Variants in CDK12 observed in about 807,000 individuals in gnomAD.
CDK12 encodes cyclin-dependent kinase 12.
Under a neutral mutation model 133.8 loss-of-function variants are expected in CDK12, and 17 were observed. That is an observed-to-expected ratio of 0.13 (90% CI 0.09 to 0.19). The LOEUF (loss-of-function observed/expected upper bound fraction) is 0.19, where lower values mean the gene tolerates loss of function less well. Ranked by LOEUF, CDK12 falls within the 10% of genes least tolerant of loss-of-function variation. The pLI is 1.00. For synonymous variants in CDK12, 694 were observed against 683.6 expected, an observed-to-expected ratio of 1.02 and a Z score of -0.24; for missense variants, 1,508 against 1,818.7, an observed-to-expected ratio of 0.83 and a Z score of 3.11.
At chr17:39,536,252 G>A (rs1453436041), downstream of CDK12, among the ~76,000 whole-genome samples, 6 of 151,984 alleles carry the variant, frequency 3.9e-5, no homozygotes, top group Admixed American at 1.3e-4. Context: ...GCCTACCATC[G>A]GTATTGATTG....
intron 1 of CDK12, among the ~76,000 whole-genome samples, chr17:39,541,646 C>T (rs1242571667): frequency 6.6e-6 from 1 of 152,156 alleles, no homozygotes; most frequent in African/African-American, 2.4e-5. Context: ...TGAGCCACCG[C>T]ATCCGGCCCC....
intron 3 of CDK12, among the ~76,000 whole-genome samples, chr17:39,562,098 C>T (rs1326038716): frequency 1.3e-5 from 2 of 152,132 alleles, no homozygotes; most frequent in Non-Finnish European, 1.5e-5. Context: ...CACCTCCATG[C>T]CCAGCTAATT....
intron 13 of CDK12, among the ~76,000 whole-genome samples, chr17:39,529,414 ACAT>A (rs2054690934): frequency 5.9e-5 from 9 of 152,380 alleles, no homozygotes; most frequent in Admixed American, 5.9e-4. Context: ...TAATGACTTT[ACAT>A]CACAGCTTAG....
intron 3 of CDK12, among the ~76,000 whole-genome samples, chr17:39,491,320 C>T (rs1434556573): frequency 6.6e-6 from 1 of 152,080 alleles, no homozygotes; most frequent in Non-Finnish European, 1.5e-5. Flanking sequence ...TTACCGCAAC[C>T]TCGGCTTCCT....
At position 39,461,915 on chromosome 17, in the gene CDK12, CG is replaced by C; in HGVS notation, c.-154del. On this transcript the variant is annotated 5_prime_UTR_variant, in exon 1 of 14. Coordinates refer to ENST00000447079, the MANE Select transcript of CDK12 (RefSeq NM_016507.4). Reference sequence around the variant, plus strand: ...CTCATGTAGAAGGGTGCTGAGGCGTCGGGAGGGAGGAGGAGCCTGGGCTACC... The same window carrying C: ...CTCATGTAGAAGGGTGCTGAGGCGTCGGAGGGAGGAGGAGCCTGGGCTACC... The C allele has an allele frequency of 1.8e-6, 1 of 546,070 alleles. No individual in the cohort carries two copies. Among genetic ancestry groups the C allele is most frequent in the South Asian group, 2.0e-5 (1 of 48,844 alleles). The allele number at this position is 546,070 out of a possible 1,614,324, so 33.8% of individuals were successfully genotyped here.
chr17:39,515,297 A>G (rs2053731955), intron 8 of CDK12, among the ~76,000 whole-genome samples: 1 of 152,248 alleles, frequency 6.6e-6, no homozygotes, highest in African/African-American at 2.4e-5. Flanking sequence ...AGAAGGCTAT[A>G]GTATAGTGCA....
intron 2 of CDK12, among the ~76,000 whole-genome samples, chr17:39,555,138 A>G (rs889983139): frequency 7.9e-5 from 12 of 151,774 alleles, no homozygotes; most frequent in African/African-American, 2.7e-4. Flanking sequence ...CCAGCTACTC[A>G]GGAGGCTGAG....
At chr17:39,505,523 CAAAAAAAA>C (rs369918356) in intron 6 of CDK12, among the ~76,000 whole-genome samples, 2 of 97,744 alleles carry the variant, frequency 2.0e-5, no homozygotes, top group African/African-American at 8.8e-5. Flanking sequence ...GACTCCGTCT[CAAAAAAAA>C]AAAAAAAAAA....
intron 9 of CDK12, among the ~76,000 whole-genome samples, chr17:39,517,033 C>G (rs1021410640): frequency 3.9e-5 from 6 of 152,068 alleles, no homozygotes; most frequent in African/African-American, 1.4e-4. Context: ...TGTTGATTAT[C>G]TCTCAAAATT....
At chr17:39,521,520 C>G (rs942217563) in intron 11 of CDK12, among the ~76,000 whole-genome samples, 1 of 152,068 alleles carries the variant, frequency 6.6e-6, no homozygotes. Context: ...GCCTTGGCCT[C>G]CCAAGGTGCC....
At position 39,532,461 on chromosome 17, in the gene CDK12, C is replaced by CAA. The variant is rs147657554; in HGVS notation, c.*1154_*1155dup. 12 of 208,382 alleles carry CAA rather than the reference C, an allele frequency of 5.8e-5. No homozygotes were observed. The highest frequency in any genetic ancestry group is 2.0e-4 in the South Asian group (1 of 5,046). 12.9% of individuals were successfully genotyped at this position (208,382 alleles called of 1,614,324 possible). A position where few individuals can be genotyped will look rare whatever the true frequency, so the allele number is the denominator to read the frequency against. The stretch of plus-strand genomic sequence containing the variant: ...ATTGTTTACACATATATTTTTATGT[C>CAA]AAAAAAAAAACAAAAACCTTTCAAA... On this transcript the variant is annotated 3_prime_UTR_variant, in exon 14 of 14. Transcript: ENST00000447079.
chr17:39,472,912 T>C (rs1174389630), intron 2 of CDK12, among the ~76,000 whole-genome samples: 1 of 151,266 alleles, frequency 6.6e-6, no homozygotes, highest in Non-Finnish European at 1.5e-5. Flanking sequence ...CTGCCTCTAC[T>C]AAAGATTTAA....
rs1384681876 is a variant in CDK12, at chr17:39,462,129, A to C, written c.58A>C (p.Thr20Pro). 6.2e-7 allele frequency: 1 copy of C among 1,614,166 alleles called. No individual in the cohort carries two copies. Among genetic ancestry groups the C allele is most frequent in the South Asian group, 1.1e-5 (1 of 91,080 alleles). ...GGACGGGAGTGGAGGAGCTTCTGGA[A>C]CTTTGCAGCCGTCATCGGGAGGCGG... The part of the protein sequence containing the change: ...KKDGSGGASG[T>P]LQPSSGGGSS... Residue 20 changes from threonine (T) to proline (P), a missense_variant, in exon 1 of 14, where the codon ACT (threonine) becomes CCT (proline). Physicochemically the swap from Thr to Pro is conservative, Grantham distance 38. This residue lies in a region of CDK12 where 460 missense variants were observed against 490.8 expected (regional missense o/e 0.94). Coordinates refer to ENST00000447079, the MANE Select transcript of CDK12 (RefSeq NM_016507.4).
At chr17:39,537,545 TTTTA>T (rs370963468), downstream of CDK12, among the ~76,000 whole-genome samples, 1,093 of 142,560 alleles carry the variant, frequency 7.7e-3, 3 homozygotes, top group Middle Eastern at 0.01. Flanking sequence ...AATTCCTTAT[TTTTA>T]TTTATTTATT....
intron 2 of CDK12, among the ~76,000 whole-genome samples, chr17:39,484,736 C>T (rs145779349): frequency 6.6e-6 from 1 of 152,168 alleles, no homozygotes; most frequent in African/African-American, 2.4e-5. Context: ...TCTAGAAATC[C>T]TCCAAAATCA....
chr17:39,480,502 T>G (rs1008831913), intron 2 of CDK12, among the ~76,000 whole-genome samples: 2 of 151,838 alleles, frequency 1.3e-5, no homozygotes, highest in African/African-American at 4.8e-5. Context: ...AGTGCAATGG[T>G]GCGATCTCAG....
At chr17:39,527,728 G>A (rs1261062002) in intron 13 of CDK12, among the ~76,000 whole-genome samples, 1 of 151,754 alleles carries the variant, frequency 6.6e-6, no homozygotes, top group Admixed American at 6.6e-5. Flanking sequence ...TGTATTTTTA[G>A]TGGAAACGAG....
At chr17:39,524,567 C>A (rs894301388) in intron 11 of CDK12, 107 bp from the exon 12 acceptor site, 21 of 973,376 alleles carry the variant, frequency 2.2e-5, no homozygotes, top group Non-Finnish European at 2.9e-5. Flanking sequence ...TTTCCTTATT[C>A]TTTACATTTC....
downstream of CDK12, among the ~76,000 whole-genome samples, chr17:39,538,790 C>T (rs149528102): frequency 2.3e-3 from 349 of 152,188 alleles, 1 homozygote; most frequent in African/African-American, 7.7e-3. Context: ...CCCAGCTTCC[C>T]GGGAGGCTGA....
Sources: gnomAD v4.1 joint callset for allele counts (sites outside exome capture counted in the v4.1 genomes callset) on GRCh38, gnomAD v4.1.1 for gene constraint, gnomAD v4.1.1 regional missense constraint, MANE v1.5 for transcripts, NCBI Gene and HGNC (gene_info 2026-07-23, HGNC 2026-07-21) for gene names.